Variants in GRM7 observed in about 807,000 individuals in gnomAD.
GRM7 encodes glutamate metabotropic receptor 7.
Under a neutral mutation model 84.5 loss-of-function variants are expected in GRM7, and 35 were observed. The ratio of observed to expected loss-of-function variants is 0.41; its 90% CI spans 0.32 to 0.55. GRM7 has a LOEUF of 0.55. Ranked by LOEUF, GRM7 falls within the 20% of genes least tolerant of loss-of-function variation. The pLI is 0.19. For synonymous variants in GRM7, 487 were observed against 455.1 expected (o/e 1.07, Z -0.89); for missense variants, 1,003 against 1,194.6 (o/e 0.84, Z 2.36).
Position 6,862,795 on chromosome 3 carries a change from C to T in GRM7, c.519+888C>T. On this transcript the variant is annotated intron_variant, in intron 1 of 9. Transcript: ENST00000357716. The surrounding 1 kb of genome is among the most constrained non-coding windows in gnomAD (Gnocchi z 5.2). ...CAAATCCTCGGCTTGGAGGACGATT[C>T]CCGGAGCGAGGCATGAAGGCGCCCG... 1 of 314,480 alleles carries T rather than the reference C, an allele frequency of 3.2e-6. No individual in the cohort carries two copies. The highest frequency in any genetic ancestry group is 6.3e-6 in the Non-Finnish European group (1 of 158,566). 19.5% of individuals were successfully genotyped at this position (314,480 alleles called of 1,614,324 possible).
chr3:7,433,772 G>T (rs1203174765), intron 5 of GRM7, among the ~76,000 whole-genome samples: 1 of 152,064 alleles, frequency 6.6e-6, no homozygotes, highest in Non-Finnish European at 1.5e-5. Flanking sequence ...ATCTGTAGAA[G>T]GCTTACAAAA....
intron 2 of GRM7, among the ~76,000 whole-genome samples, chr3:7,264,372 A>G (rs1355539789): frequency 6.6e-6 from 1 of 152,032 alleles, no homozygotes; most frequent in Non-Finnish European, 1.5e-5. Flanking sequence ...TTCTGCCCCT[A>G]CCACTTCTCC....
chr3:7,098,870 G>T (rs1698949447), intron 1 of GRM7, among the ~76,000 whole-genome samples: 1 of 152,014 alleles, frequency 6.6e-6, no homozygotes, highest in East Asian at 1.9e-4. Context: ...ATCTGTATTA[G>T]ATAAATAATT....
intron 1 of GRM7, among the ~76,000 whole-genome samples, chr3:7,041,079 C>CA (rs557674027): frequency 0.062 from 4,980 of 80,380 alleles, 128 homozygotes; most frequent in Non-Finnish European, 0.092. Context: ...GACCCTGTCT[C>CA]AAAAAAAAAA....
intron 9 of GRM7, chr3:7,693,484 A>G (rs768925748): frequency 1.6e-6 from 1 of 644,176 alleles, no homozygotes; most frequent in Non-Finnish European, 2.9e-6. Context: ...CTGGCCTCCT[A>G]GGGTTAGTAT....
At chr3:7,105,271 A>T (rs1163886751) in intron 1 of GRM7, among the ~76,000 whole-genome samples, 1 of 151,856 alleles carries the variant, frequency 6.6e-6, no homozygotes, top group Non-Finnish European at 1.5e-5. Flanking sequence ...ACAATCCAGC[A>T]AATGTGTTCC....
intron 4 of GRM7, among the ~76,000 whole-genome samples, chr3:7,405,755 G>A (rs1315425689): frequency 6.6e-6 from 1 of 152,046 alleles, no homozygotes; most frequent in African/African-American, 2.4e-5. Flanking sequence ...TATGTGGCAT[G>A]TGTCTGTGTT....
intron 4 of GRM7, among the ~76,000 whole-genome samples, chr3:7,408,054 A>G (rs372731264): frequency 1.8e-4 from 27 of 152,154 alleles, no homozygotes; most frequent in African/African-American, 6.0e-4. Context: ...CATTTTATCA[A>G]TTGAGAAACT....
At chr3:7,587,065 G>A (rs955704098) in intron 8 of GRM7, among the ~76,000 whole-genome samples, 17 of 151,952 alleles carry the variant, frequency 1.1e-4, no homozygotes, top group Admixed American at 9.2e-4. Flanking sequence ...TTGTGGAGGT[G>A]GATTCACAGA....
intron 2 of GRM7, among the ~76,000 whole-genome samples, chr3:7,198,506 C>G (rs892146278): frequency 1.5e-4 from 23 of 152,196 alleles, no homozygotes; most frequent in African/African-American, 5.5e-4. Context: ...GGGTTATGTC[C>G]TGATAAACCC....
chr3:6,982,587 A>G (rs1405863618), intron 1 of GRM7, among the ~76,000 whole-genome samples: 1 of 152,068 alleles, frequency 6.6e-6, no homozygotes, highest in Non-Finnish European at 1.5e-5. Context: ...GAATCAGACT[A>G]CAGAGCAGTT....
intron 4 of GRM7, among the ~76,000 whole-genome samples, chr3:7,348,613 A>G (rs1311830018): frequency 6.6e-6 from 1 of 152,156 alleles, no homozygotes; most frequent in Non-Finnish European, 1.5e-5. Flanking sequence ...CAATGATTCA[A>G]GGACCCAGAC....
At chr3:7,595,739 A>C (rs1048871076) in intron 8 of GRM7, among the ~76,000 whole-genome samples, 2 of 151,932 alleles carry the variant, frequency 1.3e-5, no homozygotes, top group Non-Finnish European at 2.9e-5. Context: ...AGATGAGCAA[A>C]TGCAAGGGCA....
intron 4 of GRM7, among the ~76,000 whole-genome samples, chr3:7,408,845 T>A (rs1272911222): frequency 2.6e-5 from 4 of 152,226 alleles, no homozygotes; most frequent in Non-Finnish European, 1.5e-5. Flanking sequence ...GTTGAATCCA[T>A]GCAGTGCTTC....
chr3:7,275,726 A>G (rs1184228224), intron 2 of GRM7, among the ~76,000 whole-genome samples: 1 of 152,100 alleles, frequency 6.6e-6, no homozygotes, highest in Non-Finnish European at 1.5e-5. Context: ...CTCTAGTGGT[A>G]TTTCCAAATG....
intron 1 of GRM7, among the ~76,000 whole-genome samples, chr3:7,006,856 A>G (rs988331131): frequency 6.6e-6 from 1 of 152,234 alleles, no homozygotes; most frequent in Non-Finnish European, 1.5e-5. Flanking sequence ...TAGAATCTGA[A>G]GGAAATATAG....
At chr3:7,351,339 GAAAAAAAAAA>G (rs768248079) in intron 4 of GRM7, among the ~76,000 whole-genome samples, 3 of 45,896 alleles carry the variant, frequency 6.5e-5, no homozygotes, top group Admixed American at 3.0e-4. Context: ...TCCCACAGGC[GAAAAAAAAAA>G]AAAAAAAAAA....
intron 1 of GRM7, among the ~76,000 whole-genome samples, chr3:6,946,466 T>C (rs975391759): frequency 2.0e-5 from 3 of 152,218 alleles, no homozygotes; most frequent in Non-Finnish European, 4.4e-5. Context: ...ACTGTAGCCC[T>C]GTAGTATAGT....
intron 9 of GRM7, among the ~76,000 whole-genome samples, chr3:7,685,414 T>C (rs162785): frequency 0.62 from 94,001 of 151,952 alleles, 30,420 homozygotes; most frequent in East Asian, 0.92. Context: ...TAGCTAGATA[T>C]AGAGAGTTTA....
Sources: allele counts gnomAD v4.1 joint callset (sites outside exome capture counted in the v4.1 genomes callset), GRCh38; gene constraint gnomAD v4.1.1; non-coding constraint Gnocchi (gnomAD v3.1); transcripts MANE v1.5; gene names NCBI Gene and HGNC (gene_info 2026-07-23, HGNC 2026-07-21).